The following LINGO2 variants were observed in gnomAD, a reference collection of about 807,000 sequenced individuals.
LINGO2 encodes the protein leucine-rich repeat and immunoglobulin-like domain-containing nogo receptor-interacting protein 2.
LINGO2 carries 14 observed loss-of-function variants against 30.6 expected under a neutral mutation model. That is an observed-to-expected ratio of 0.46 (90% CI 0.30 to 0.72). LINGO2 has a LOEUF of 0.72. LINGO2 is among the 30% of genes least tolerant of loss of function. The pLI is 0.07. For missense variants in LINGO2, 729 were observed against 751.7 expected, an observed-to-expected ratio of 0.97 and a Z score of 0.35; for synonymous variants, 317 against 288.5, an observed-to-expected ratio of 1.10 and a Z score of -1.00.
intron 1 of LINGO2, among the ~76,000 whole-genome samples, chr9:28,496,230 T>A (rs1226503566): frequency 1.3e-5 from 2 of 152,122 alleles, no homozygotes; most frequent in African/African-American, 4.8e-5. Context: ...ACTTTCTGTC[T>A]CGTTGATCTG....
intron 4 of LINGO2, among the ~76,000 whole-genome samples, chr9:28,073,123 C>G (rs1825527958): frequency 6.6e-6 from 1 of 151,884 alleles, no homozygotes; most frequent in African/African-American, 2.4e-5. Flanking sequence ...TCCAGCAGAC[C>G]CCATCTCCAA....
the LINGO2 span, among the ~76,000 whole-genome samples, chr9:29,211,745 C>A: frequency 1.3e-5 from 2 of 152,090 alleles, no homozygotes; most frequent in Non-Finnish European, 2.9e-5. Context: ...CTCCACCACA[C>A]CCCATCCCTG....
chr9:28,863,735 A>G, the LINGO2 span: 1 of 474,650 alleles, frequency 2.1e-6, no homozygotes, highest in South Asian at 1.6e-5. Context: ...GTACCTATGA[A>G]CCAACAAAAA....
chr9:28,415,581 C>T (rs1327916931), intron 2 of LINGO2, among the ~76,000 whole-genome samples: 1 of 152,158 alleles, frequency 6.6e-6, no homozygotes, highest in East Asian at 1.9e-4. Context: ...GAATGCACTA[C>T]CATTTTCCTG....
the LINGO2 span, among the ~76,000 whole-genome samples, chr9:28,770,058 GT>G: frequency 6.6e-6 from 1 of 151,986 alleles, no homozygotes; most frequent in Non-Finnish European, 1.5e-5. Context: ...TATTTAGACA[GT>G]TTTTCCCCTT....
At chr9:29,150,598 A>C in the LINGO2 span, among the ~76,000 whole-genome samples, 1 of 152,304 alleles carries the variant, frequency 6.6e-6, no homozygotes, top group African/African-American at 2.4e-5. Context: ...GGAACTGAAA[A>C]ATTCACGGCA....
Position 27,985,069 on chromosome 9 carries a change from G to A in LINGO2, c.-36+27286C>T, listed in dbSNP as rs138579129. Among the ~76,000 whole-genome samples the A allele has an allele frequency of 2.1e-3, 320 of 151,898 alleles. 1 individual carries two copies. Among genetic ancestry groups the A allele is most frequent in the African/African-American group, 7.4e-3 (305 of 41,484 alleles). ...GACTCTGAATTATTTTAGTTTAACAGTTTAGGTGTGATATAAATACATGGA... is the reference window on the plus strand; with the variant it reads ...GACTCTGAATTATTTTAGTTTAACAATTTAGGTGTGATATAAATACATGGA... On this transcript the variant is annotated intron_variant, in intron 5 of 5. Coordinates refer to ENST00000379992, the Ensembl canonical transcript of LINGO2.
the LINGO2 span, among the ~76,000 whole-genome samples, chr9:29,166,831 C>T: frequency 6.6e-6 from 1 of 152,008 alleles, no homozygotes; most frequent in Non-Finnish European, 1.5e-5. Context: ...TTGTCAGCAC[C>T]TCAAAATTCA....
At chr9:28,504,384 G>T (rs951543432) in intron 1 of LINGO2, among the ~76,000 whole-genome samples, 2 of 151,484 alleles carry the variant, frequency 1.3e-5, no homozygotes, top group South Asian at 2.1e-4. Flanking sequence ...ACTTGTCATG[G>T]TATATAAACA....
At chr9:28,087,057 C>T (rs1246663993) in intron 4 of LINGO2, among the ~76,000 whole-genome samples, 1 of 152,106 alleles carries the variant, frequency 6.6e-6, no homozygotes, top group Admixed American at 6.6e-5. Flanking sequence ...TCACTCTCTG[C>T]TGTACCTTTG....
the LINGO2 span, among the ~76,000 whole-genome samples, chr9:28,909,254 T>A: frequency 6.6e-6 from 1 of 151,928 alleles, no homozygotes; most frequent in Non-Finnish European, 1.5e-5. Context: ...CTTGCATGTA[T>A]CATTTATATA....
chr9:28,671,335 CAAAGACCTAAATAAACCTAAATAAAT>C (rs1829000837), upstream of LINGO2, among the ~76,000 whole-genome samples: 1 of 151,732 alleles, frequency 6.6e-6, no homozygotes, highest in South Asian at 2.1e-4. Flanking sequence ...ATGATAATAG[CAAAGACCTAAATAAACCTAAATAAAT>C]AAAGACCTAA....
chr9:29,154,023 G>A, the LINGO2 span, among the ~76,000 whole-genome samples: 1 of 152,130 alleles, frequency 6.6e-6, no homozygotes, highest in Non-Finnish European at 1.5e-5. Context: ...AAGAGCCCAT[G>A]ACAAACAAGA....
intron 2 of LINGO2, among the ~76,000 whole-genome samples, chr9:28,392,007 A>T (rs1361948032): frequency 6.6e-6 from 1 of 152,190 alleles, no homozygotes; most frequent in Admixed American, 6.5e-5. Flanking sequence ...GATTGAGACC[A>T]TGCTGGCCAA....
chr9:28,541,570 A>T (rs1361442961), intron 1 of LINGO2, among the ~76,000 whole-genome samples: 1 of 152,196 alleles, frequency 6.6e-6, no homozygotes, highest in African/African-American at 2.4e-5. Context: ...AGAGCTATTA[A>T]GAGGTCTGGG....
At chr9:28,693,692 G>A in the LINGO2 span, among the ~76,000 whole-genome samples, 6 of 152,096 alleles carry the variant, frequency 3.9e-5, no homozygotes, top group Admixed American at 6.6e-5. Context: ...GCTCTGAAAT[G>A]TCAGGGCAAT....
intron 1 of LINGO2, among the ~76,000 whole-genome samples, chr9:28,604,069 A>T (rs568923808): frequency 8.6e-5 from 13 of 151,920 alleles, no homozygotes; most frequent in Non-Finnish European, 1.6e-4. Flanking sequence ...CAAATTCTCT[A>T]TGGCCTTTTA....
At chr9:28,136,224 G>A (rs1336530182) in intron 4 of LINGO2, among the ~76,000 whole-genome samples, 2 of 152,208 alleles carry the variant, frequency 1.3e-5, no homozygotes, top group African/African-American at 4.8e-5. Context: ...TGGTAGTGGT[G>A]GTGGTGTACG....
chr9:28,068,591 G>C (rs1047050058), intron 4 of LINGO2, among the ~76,000 whole-genome samples: 12 of 152,182 alleles, frequency 7.9e-5, no homozygotes, highest in African/African-American at 2.6e-4. Flanking sequence ...TACATACTTA[G>C]TAGTAATAAC....
Sources: gnomAD v4.1 joint callset for allele counts (sites outside exome capture counted in the v4.1 genomes callset) on GRCh38, gnomAD v4.1.1 for gene constraint, MANE v1.5 for transcripts, NCBI Gene and HGNC (gene_info 2026-07-23, HGNC 2026-07-21) for gene names.